Variants in ZNF536 observed in about 807,000 individuals in gnomAD.
ZNF536 encodes zinc finger protein 536.
ZNF536 carries 13 observed loss-of-function variants against 84.5 expected under a neutral mutation model. The observed-to-expected ratio is 0.15, with a 90% CI of 0.10 to 0.24. ZNF536 has a LOEUF of 0.24. Among genes scored for constraint, ZNF536 ranks in the 10% least tolerant of loss-of-function variants. The pLI, the probability that ZNF536 is intolerant of heterozygous loss-of-function variation, is 1.00. For synonymous variants in ZNF536, 811 were observed against 742.5 expected (o/e 1.09, Z -1.50); for missense variants, 1,536 against 1,747.5 (o/e 0.88, Z 2.16).
chr19:30,232,058 C>CT (rs72531195), intron 1 of ZNF536, among the ~76,000 whole-genome samples: 52 of 147,158 alleles, frequency 3.5e-4, no homozygotes, highest in African/African-American at 3.5e-4. Context: ...ATCCCCCTCA[C>CT]TTTTTTTTTT....
intron 2 of ZNF536, among the ~76,000 whole-genome samples, chr19:30,450,460 C>T (rs1195670368): frequency 2.6e-5 from 4 of 152,184 alleles, no homozygotes; most frequent in Non-Finnish European, 4.4e-5. Flanking sequence ...AACCACCTTC[C>T]ACCTCTAGGC....
At chr19:30,554,500 C>G (rs1375384044) in intron 4 of ZNF536, 1 of 152,082 alleles carries the variant, frequency 6.6e-6, no homozygotes, top group Non-Finnish European at 1.5e-5. Context: ...GGTGATCCGC[C>G]CACCTCAGCC....
chr19:30,335,209 C>T (rs1325408348), intron 2 of ZNF536, among the ~76,000 whole-genome samples: 2 of 152,222 alleles, frequency 1.3e-5, no homozygotes, highest in Non-Finnish European at 2.9e-5. Context: ...GTATCGCTCC[C>T]ACCCTGCCAC....
At chr19:30,461,795 G>A (rs1304577821) in intron 2 of ZNF536, among the ~76,000 whole-genome samples, 1 of 152,182 alleles carries the variant, frequency 6.6e-6, no homozygotes, top group Non-Finnish European at 1.5e-5. Context: ...GCTCTAGCCC[G>A]CAGCTCCGTG....
intron 1 of ZNF536, among the ~76,000 whole-genome samples, chr19:30,413,782 C>T (rs1021476493): frequency 6.6e-6 from 1 of 151,906 alleles, no homozygotes; most frequent in African/African-American, 2.4e-5. Flanking sequence ...AGACTGTATT[C>T]TTTCTTGACA....
intron 2 of ZNF536, among the ~76,000 whole-genome samples, chr19:30,488,634 T>A (rs1197587278): frequency 6.6e-6 from 1 of 151,210 alleles, no homozygotes; most frequent in Non-Finnish European, 1.5e-5. Flanking sequence ...GACACTTTCA[T>A]GTGGCATTAA....
At chr19:30,275,819 C>A (rs1479977346) in intron 1 of ZNF536, among the ~76,000 whole-genome samples, 2 of 143,922 alleles carry the variant, frequency 1.4e-5, no homozygotes, top group African/African-American at 5.2e-5. Flanking sequence ...GAACAAAGCC[C>A]TCAGAAGGTG....
chr19:30,606,369 C>T (rs571615906), intron 1 of ZNF536, among the ~76,000 whole-genome samples: 63 of 151,764 alleles, frequency 4.2e-4, no homozygotes, highest in African/African-American at 1.4e-3. Context: ...TTGAAAGGGA[C>T]CTCCTCCTAT....
intron 1 of ZNF536, among the ~76,000 whole-genome samples, chr19:30,400,016 A>T (rs1187356927): frequency 6.6e-6 from 1 of 152,136 alleles, no homozygotes; most frequent in Non-Finnish European, 1.5e-5. Flanking sequence ...AATTCAGCAT[A>T]ATGCCCTTGA....
chr19:30,690,512 C>T (rs1429607066), intron 1 of ZNF536, among the ~76,000 whole-genome samples: 1 of 152,132 alleles, frequency 6.6e-6, no homozygotes, highest in Admixed American at 6.5e-5. Context: ...ATTCTATTTG[C>T]AAAGTAGATA....
upstream of ZNF536, among the ~76,000 whole-genome samples, chr19:30,226,021 C>CGAGCGGG (rs993216236): frequency 3.9e-5 from 6 of 151,914 alleles, no homozygotes; most frequent in African/African-American, 1.5e-4. This position sits in a 1 kb window ranked among gnomAD's most constrained non-coding sequence, Gnocchi z 4.6. Context: ...ACTTCGGCGG[C>CGAGCGGG]GAGCGGGACC....
intron 1 of ZNF536, among the ~76,000 whole-genome samples, chr19:30,568,872 C>G (rs1389835698): frequency 6.6e-6 from 1 of 152,202 alleles, no homozygotes; most frequent in Non-Finnish European, 1.5e-5. Flanking sequence ...GGTCACAGGA[C>G]CATGGTCTTC....
At chr19:30,671,150 T>C (rs557458337) in intron 1 of ZNF536, among the ~76,000 whole-genome samples, 1 of 152,336 alleles carries the variant, frequency 6.6e-6, no homozygotes, top group South Asian at 2.1e-4. Context: ...AGGATCGCCA[T>C]GGTGCAGGCC....
At chr19:30,491,592 T>C (rs2054511223) in intron 2 of ZNF536, among the ~76,000 whole-genome samples, 1 of 152,234 alleles carries the variant, frequency 6.6e-6, no homozygotes. Context: ...AAACAGTTTG[T>C]CTTTTCCCTC....
intron 1 of ZNF536, among the ~76,000 whole-genome samples, chr19:30,429,967 G>A (rs927227802): frequency 2.0e-5 from 3 of 151,344 alleles, no homozygotes; most frequent in African/African-American, 7.3e-5. Context: ...CTGGATAAGG[G>A]TACAGGGTGG....
In ZNF536 at chr19:30,414,716, A is replaced by G. The variant is rs149377472; in HGVS notation, c.-2-28845A>G. On this transcript the variant is annotated intron_variant, in intron 1 of 4. Coordinates refer to ENST00000355537, the MANE Select transcript of ZNF536 (RefSeq NM_014717.3). ...CCAGACATTGTAAAAACCATTATGT[A>G]CTACCCATTATTTGAACTTAAATAT... Among the ~76,000 whole-genome samples the G allele has an allele frequency of 4.4e-4, 67 of 152,318 alleles. 1 individual carries two copies. In the East Asian group the frequency reaches 0.01, roughly 23 times the overall value.
rs567689088 is a variant in ZNF536 at position 30,345,335 on chromosome 19, T to C, written c.-119-7033T>C. Reference sequence around the variant, plus strand: ...GGTTTGACAGAGCTGAGCATTTTCCTCTTTGAACCAGCTATGTCTCTGTTT... The same window carrying C: ...GGTTTGACAGAGCTGAGCATTTTCCCCTTTGAACCAGCTATGTCTCTGTTT... On this transcript the variant is annotated intron_variant, in intron 2 of 5. Transcript: ENST00000585628. Among the ~76,000 whole-genome samples the C allele has an allele frequency of 2.0e-5, 3 of 152,362 alleles. No individual in the cohort carries two copies. The South Asian group carries it at 6.2e-4, about 32-fold the overall frequency.
chr19:30,637,372 G>A (rs935859152), intron 1 of ZNF536, among the ~76,000 whole-genome samples: 1 of 152,176 alleles, frequency 6.6e-6, no homozygotes. Context: ...TGAAGTGAAG[G>A]AAGCAACTTC....
At chr19:30,457,235 A>G (rs1010719008) in intron 2 of ZNF536, among the ~76,000 whole-genome samples, 1 of 152,184 alleles carries the variant, frequency 6.6e-6, no homozygotes, top group Non-Finnish European at 1.5e-5. Flanking sequence ...AACCACTTCA[A>G]TTAGCTCAGC....
Sources: allele counts gnomAD v4.1 joint callset (sites outside exome capture counted in the v4.1 genomes callset), GRCh38; gene constraint gnomAD v4.1.1; non-coding constraint Gnocchi (gnomAD v3.1); transcripts MANE v1.5; gene names NCBI Gene and HGNC (gene_info 2026-07-23, HGNC 2026-07-21).